Variants in GLP1R observed in about 807,000 individuals in gnomAD.
The protein encoded by GLP1R is glucagon-like peptide 1 receptor.
In GLP1R, 32 loss-of-function variants were observed where a neutral mutation model predicts 68.4. The ratio of observed to expected loss-of-function variants is 0.47; its 90% CI spans 0.35 to 0.63. GLP1R has a LOEUF of 0.63. Ranked by LOEUF, GLP1R falls within the 20% of genes least tolerant of loss-of-function variation. The pLI, the probability that GLP1R is intolerant of heterozygous loss-of-function variation, is 0.00. For missense variants in GLP1R, 502 were observed against 594.9 expected (o/e 0.84, Z 1.62); for synonymous variants, 263 against 244.4 (o/e 1.08, Z -0.71).
chr6:39,072,949 A>C lies in GLP1R; in HGVS notation c.597A>C (p.Ala199=), dbSNP rs1246697215. The C allele has an allele frequency of 6.2e-7, 1 of 1,614,100 alleles. No homozygotes were observed. Among genetic ancestry groups the C allele is most frequent in the East Asian group, 2.2e-5 (1 of 44,886 alleles). ...LRALSVFIKD[A]ALKWMYSTAA... ...CATTGTCCGTCTTCATCAAGGACGC[A>C]GCCCTGAAGTGGATGTATAGCACAG... The change falls in exon 6 of 13, where the codon GCA becomes GCC. Residue 199 remains alanine, a synonymous_variant. Transcript: ENST00000373256.
chr6:39,053,324 CAG>C (rs1175984375), intron 1 of GLP1R, among the ~76,000 whole-genome samples: 1 of 152,238 alleles, frequency 6.6e-6, no homozygotes, highest in East Asian at 1.9e-4. Context: ...CCCCTCCTCA[CAG>C]GGCATGGGGT....
At chr6:39,065,901 C>T (rs1052880107) in intron 4 of GLP1R, 72 bp downstream of exon 4, 2 of 920,578 alleles carry the variant, frequency 2.2e-6, no homozygotes, top group African/African-American at 3.2e-5. Flanking sequence ...GAGCAAAGAC[C>T]CTTGGCTTTG....
At chr6:39,085,093 A>G (rs1769110585) in intron 12 of GLP1R, among the ~76,000 whole-genome samples, 1 of 151,908 alleles carries the variant, frequency 6.6e-6, no homozygotes. Context: ...AGGGACCAGA[A>G]TCACTGGCCA....
chr6:39,049,425 G>C lies in GLP1R; in HGVS notation c.78+507G>C, dbSNP rs375910627. On this transcript the variant is annotated intron_variant, in intron 1 of 12. Coordinates refer to ENST00000373256, the MANE Select transcript of GLP1R (RefSeq NM_002062.5). The surrounding 1 kb of genome is among the most constrained non-coding windows in gnomAD (Gnocchi z 4.5). ...TGAGAGGGCCAGGGTGCGGAGACCC[G>C]GCTCCTCTCCCTTTCTCATCAGCCC... is the stretch of plus-strand genomic sequence containing the variant. 1.2e-4 allele frequency among the ~76,000 whole-genome samples: 19 copies of C among 152,186 alleles called. No homozygotes were observed. The highest frequency in any genetic ancestry group is 3.6e-4 in the African/African-American group (15 of 41,528).
intron 5 of GLP1R, among the ~76,000 whole-genome samples, chr6:39,067,220 G>A (rs9296283): frequency 0.45 from 69,103 of 152,002 alleles, 16,376 homozygotes; most frequent in Non-Finnish European, 0.51. Context: ...TACCACATTT[G>A]TGAGTAGCTA....
intron 3 of GLP1R, 147 bp downstream of exon 3, chr6:39,057,726 T>A: frequency 6.2e-6 from 2 of 322,618 alleles, no homozygotes; most frequent in Non-Finnish European, 1.2e-5. Flanking sequence ...GCCCCCTCCC[T>A]GACCTGGTAC....
At position 39,088,141 on chromosome 6, in the gene GLP1R, T is replaced by C. The variant is rs1367829627; in HGVS notation, c.*2068T>C. 2.0e-5 allele frequency among the ~76,000 whole-genome samples: 3 copies of C among 152,174 alleles called. No individual in the cohort carries two copies. The highest frequency in any genetic ancestry group is 2.9e-5 in the Non-Finnish European group (2 of 68,040). Reference sequence around the variant, plus strand: ...ATTTAGTTTAAACTGTAAGTAGAGTTGTCTTCCCAACGAGAACTGGTGATT... The same window carrying C: ...ATTTAGTTTAAACTGTAAGTAGAGTCGTCTTCCCAACGAGAACTGGTGATT... On this transcript the variant is annotated 3_prime_UTR_variant, in exon 13 of 13. Transcript: ENST00000373256.
chr6:39,062,579 T>C lies in GLP1R; in HGVS notation c.284-3132T>C, dbSNP rs369457117. On this transcript the variant is annotated intron_variant, in intron 3 of 12. Transcript: ENST00000373256. ...TGGCTCTGAACAGAGGGAGCAGGAA[T>C]GGTGCAGCGGCCGGGGGTCCACACT... Among the ~76,000 whole-genome samples, 20 of 152,278 alleles carry C rather than the reference T, an allele frequency of 1.3e-4. No homozygotes were observed. The East Asian group carries it at 2.7e-3, about 21-fold the overall frequency.
rs934287858 is a variant in GLP1R at position 39,079,077 on chromosome 6, G to T, written c.955-35G>T. The T allele has an allele frequency of 1.9e-6, 3 of 1,606,324 alleles. No homozygotes were observed. Among genetic ancestry groups the T allele is most frequent in the Non-Finnish European group, 1.7e-6 (2 of 1,172,904 alleles). On this transcript the variant is annotated intron_variant, in intron 9 of 12. Transcript: ENST00000373256. This position sits in a 1 kb window ranked among gnomAD's most constrained non-coding sequence, Gnocchi z 4.5. ...GTGGCAGCTATGATAGGGCTGGGCT[G>T]GTGCCCCCTGCCAATCCCCGGCCCC...
intron 1 of GLP1R, among the ~76,000 whole-genome samples, chr6:39,051,892 T>TGG (rs1462606600): frequency 5.3e-4 from 69 of 129,604 alleles, no homozygotes; most frequent in Middle Eastern, 7.8e-3. Context: ...TGTGTGTGTG[T>TGG]GTGGGGGGGG....
Position 39,086,261 on chromosome 6 carries a change from T to C in GLP1R, c.*188T>C, listed in dbSNP as rs1434796879. ...AGACAGGTAAATGGGCAGTGCCTCCTGGGACCATGGACACATTTTCTCCTA... is the reference window on the plus strand; with the variant it reads ...AGACAGGTAAATGGGCAGTGCCTCCCGGGACCATGGACACATTTTCTCCTA... On this transcript the variant is annotated 3_prime_UTR_variant, in exon 13 of 13. Coordinates refer to ENST00000373256, the MANE Select transcript of GLP1R (RefSeq NM_002062.5). The surrounding 1 kb of genome is among the most constrained non-coding windows in gnomAD (Gnocchi z 4.5). 2 of 536,342 alleles carry C rather than the reference T, an allele frequency of 3.7e-6. No individual in the cohort carries two copies. Among genetic ancestry groups the C allele is most frequent in the Admixed American group, 3.3e-5 (1 of 30,702 alleles). The allele number at this position is 536,342 out of a possible 1,614,324, so 33.2% of individuals were successfully genotyped here.
chr6:39,054,651 T>C (rs1768168926), intron 1 of GLP1R, among the ~76,000 whole-genome samples: 2 of 152,196 alleles, frequency 1.3e-5, no homozygotes, highest in African/African-American at 4.8e-5. Flanking sequence ...CTGGCTTCCA[T>C]ACCTCTCTGC....
intron 7 of GLP1R, among the ~76,000 whole-genome samples, chr6:39,077,390 G>T (rs1184304023): frequency 6.6e-6 from 1 of 152,224 alleles, no homozygotes; most frequent in Non-Finnish European, 1.5e-5. Context: ...GAGGCAGTTG[G>T]CAGGAAGCCG....
At chr6:39,082,937 C>T (rs2268638) in intron 12 of GLP1R, among the ~76,000 whole-genome samples, 19,710 of 152,068 alleles carry the variant, frequency 0.13, 3,302 homozygotes, top group African/African-American at 0.39. Flanking sequence ...GCTTCCCCCC[C>T]GCCATTGTGA....
Position 39,079,538 on chromosome 6 carries a change from C to T in GLP1R, c.1044-26C>T. The T allele has an allele frequency of 6.4e-7, 1 of 1,565,548 alleles. No homozygotes were observed. Among genetic ancestry groups the T allele is most frequent in the Non-Finnish European group, 8.6e-7 (1 of 1,159,022 alleles). ...AGTCCATGGGAGAGGTCCAGAATGACTCGAGATCTCTGCCCTGCCCCTCAG... is the reference window on the plus strand; with the variant it reads ...AGTCCATGGGAGAGGTCCAGAATGATTCGAGATCTCTGCCCTGCCCCTCAG... On this transcript the variant is annotated intron_variant, in intron 10 of 12. Transcript: ENST00000373256. The surrounding 1 kb of genome is among the most constrained non-coding windows in gnomAD (Gnocchi z 4.5).
chr6:39,069,319 A>G (rs1768595475), intron 5 of GLP1R, among the ~76,000 whole-genome samples: 2 of 152,152 alleles, frequency 1.3e-5, no homozygotes, highest in African/African-American at 4.8e-5. Flanking sequence ...GTTCACAACC[A>G]CTTAGATAAT....
intron 12 of GLP1R, among the ~76,000 whole-genome samples, chr6:39,081,943 C>G (rs771486468): frequency 5.9e-5 from 9 of 152,208 alleles, no homozygotes; most frequent in Non-Finnish European, 1.3e-4. Context: ...AGGTGGGATG[C>G]TGAAGGCCCA....
chr6:39,056,449 G>A lies in GLP1R; in HGVS notation c.131G>A (p.Arg44His), dbSNP rs2295006. Residue 44 changes from arginine to histidine, a missense_variant, in exon 2 of 13, where the codon CGC becomes CAC. By Grantham distance (29) the Arg-to-His change is conservative. Coordinates refer to ENST00000373256, the MANE Select transcript of GLP1R (RefSeq NM_002062.5). ...GTGCAGAAATGGCGAGAATACCGAC[G>A]CCAGTGCCAGCGCTCCCTGACTGAG... Reference protein sequence around the residue: ...ETVQKWREYRRQCQRSLTEDP... With the variant: ...ETVQKWREYRHQCQRSLTEDP... 2,153 of 1,610,672 alleles carry A rather than the reference G, an allele frequency of 1.3e-3. 43 individuals are homozygous for A. In the East Asian group the frequency reaches 0.041, roughly 31 times the overall value.
chr6:39,048,998 C>T (rs891501019), intron 1 of GLP1R, 80 bp downstream of exon 1: 6 of 579,664 alleles, frequency 1.0e-5, no homozygotes, highest in Admixed American at 4.2e-5. Flanking sequence ...GGTGGAGGGC[C>T]CCGGGACTTG....
Sources: gnomAD v4.1 joint callset for allele counts (sites outside exome capture counted in the v4.1 genomes callset) on GRCh38, gnomAD v4.1.1 for gene constraint, Gnocchi (gnomAD v3.1) non-coding constraint, MANE v1.5 for transcripts, NCBI Gene and HGNC (gene_info 2026-07-23, HGNC 2026-07-21) for gene names.